OSTN: variants seen among roughly 807,000 people sequenced by gnomAD.
The protein encoded by OSTN is osteocrin.
In OSTN, 9 loss-of-function variants were observed where a neutral mutation model predicts 12.0. The ratio of observed to expected loss-of-function variants is 0.75; its 90% CI spans 0.45 to 1.30. OSTN has a LOEUF of 1.30. OSTN is among the 50% of genes most tolerant of loss of function. The pLI, the probability that OSTN is intolerant of heterozygous loss-of-function variation, is 0.00. For missense variants in OSTN, 148 were observed against 152.3 expected (o/e 0.97, Z 0.15); for synonymous variants, 59 against 56.9 (o/e 1.04, Z -0.16).
intron 3 of OSTN, among the ~76,000 whole-genome samples, chr3:191,238,548 C>T (rs1257536975): frequency 6.6e-6 from 1 of 152,202 alleles, no homozygotes; most frequent in Non-Finnish European, 1.5e-5. Flanking sequence ...GGCTGTGATA[C>T]AGCGTTGTGG....
chr3:191,240,585 C>T (rs1251877419), intron 3 of OSTN, among the ~76,000 whole-genome samples: 1 of 152,172 alleles, frequency 6.6e-6, no homozygotes, highest in Non-Finnish European at 1.5e-5. Flanking sequence ...TTTTGTGCAT[C>T]GGAAATCCAG....
chr3:191,204,389 T>C (rs1291426748), intron 1 of OSTN, among the ~76,000 whole-genome samples: 1 of 152,186 alleles, frequency 6.6e-6, no homozygotes, highest in Non-Finnish European at 1.5e-5. Flanking sequence ...ATAATATAGA[T>C]GATATATGTG....
chr3:191,227,210 C>T (rs968917100), intron 3 of OSTN, among the ~76,000 whole-genome samples: 14 of 152,060 alleles, frequency 9.2e-5, no homozygotes, highest in African/African-American at 2.7e-4. Flanking sequence ...GAAAAAAATG[C>T]AAATTGCCTT....
At chr3:191,220,370 C>T (rs549536857) in intron 3 of OSTN, among the ~76,000 whole-genome samples, 1 of 152,190 alleles carries the variant, frequency 6.6e-6, no homozygotes, top group African/African-American at 2.4e-5. Flanking sequence ...ATTAGTTCCA[C>T]TATGTTCTGG....
intron 4 of OSTN, among the ~76,000 whole-genome samples, chr3:191,262,516 TTTTG>T (rs1365135185): frequency 6.6e-6 from 1 of 152,220 alleles, no homozygotes; most frequent in African/African-American, 2.4e-5. Context: ...TTTGTCCTTC[TTTTG>T]TTTGTCACGG....
intron 4 of OSTN, among the ~76,000 whole-genome samples, chr3:191,260,851 C>G (rs1187212082): frequency 1.3e-5 from 2 of 152,158 alleles, no homozygotes; most frequent in Non-Finnish European, 2.9e-5. Flanking sequence ...AAGAAAAAGA[C>G]TGTTTCTGGG....
chr3:191,263,036 G>A lies in OSTN; in HGVS notation c.*183G>A. The A allele has an allele frequency of 5.5e-6, 3 of 545,916 alleles. No homozygotes were observed. Among genetic ancestry groups the A allele is most frequent in the Non-Finnish European group, 9.8e-6 (3 of 304,822 alleles). 33.8% of individuals were successfully genotyped at this position (545,916 alleles called of 1,614,324 possible). On this transcript the variant is annotated 3_prime_UTR_variant, in exon 5 of 5. Coordinates refer to ENST00000682035, the MANE Select transcript of OSTN (RefSeq NM_198184.2). Reference sequence around the variant, plus strand: ...ATTGTTACAGCTTCAATTAAATTGTGTAAATCATTTTGATGCACGTACATT... The same window carrying A: ...ATTGTTACAGCTTCAATTAAATTGTATAAATCATTTTGATGCACGTACATT...
chr3:191,205,529 C>G (rs922459227), intron 1 of OSTN, among the ~76,000 whole-genome samples: 2 of 151,488 alleles, frequency 1.3e-5, no homozygotes, highest in African/African-American at 4.8e-5. Flanking sequence ...TCTGAAAATT[C>G]TTATTATCAA....
chr3:191,262,088 T>C lies in OSTN; in HGVS notation c.*13-778T>C, dbSNP rs375761997. 6.6e-4 allele frequency among the ~76,000 whole-genome samples: 101 copies of C among 152,174 alleles called. 1 individual carries two copies. In the East Asian group the frequency reaches 0.014, roughly 21 times the overall value. On this transcript the variant is annotated intron_variant, in intron 4 of 4. Coordinates refer to ENST00000682035, the MANE Select transcript of OSTN (RefSeq NM_198184.2). Reference sequence around the variant, plus strand: ...AAAAATTTAGCCTGGCATGGTAGCATGGGCCTATAATCCCAGCTACTCGGG... The same window carrying C: ...AAAAATTTAGCCTGGCATGGTAGCACGGGCCTATAATCCCAGCTACTCGGG...
At chr3:191,211,140 G>C (rs1365961173) in intron 1 of OSTN, among the ~76,000 whole-genome samples, 2 of 152,070 alleles carry the variant, frequency 1.3e-5, no homozygotes, top group African/African-American at 4.8e-5. Context: ...TCATAATCAT[G>C]AATCAAGTTC....
At chr3:191,217,244 G>C (rs1714635052) in intron 2 of OSTN, 1 of 152,214 alleles carries the variant, frequency 6.6e-6, no homozygotes, top group Non-Finnish European at 1.5e-5. Context: ...AACCACAGGA[G>C]AGAAACTGCC....
intron 3 of OSTN, among the ~76,000 whole-genome samples, chr3:191,223,508 A>T (rs1428893176): frequency 6.6e-6 from 1 of 152,260 alleles, no homozygotes; most frequent in African/African-American, 2.4e-5. Context: ...GTAAAACGTG[A>T]TAGTACATAA....
At chr3:191,222,521 T>C (rs1373836132) in intron 3 of OSTN, among the ~76,000 whole-genome samples, 4 of 152,218 alleles carry the variant, frequency 2.6e-5, no homozygotes, top group Non-Finnish European at 5.9e-5. Flanking sequence ...ATCTAGGAAG[T>C]AACTAATTTG....
chr3:191,250,054 CA>C lies in OSTN; in HGVS notation c.340del (p.Arg114GlyfsTer22), dbSNP rs777690983. The C allele has an allele frequency of 6.2e-7, 1 of 1,613,538 alleles. No individual in the cohort carries two copies. Among genetic ancestry groups the C allele is most frequent in the South Asian group, 1.1e-5 (1 of 91,056 alleles). On this transcript the variant is annotated frameshift_variant, in exon 4 of 5. Coordinates refer to ENST00000682035, the MANE Select transcript of OSTN (RefSeq NM_198184.2). LOFTEE classifies it high-confidence loss of function. Reference protein sequence around the residue: ...KGKQRKVVDHPKRRFGIPMDR... With the variant: ...KGKQRKVVDHXKRRFGIPMDR... Reference sequence around the variant, plus strand: ...TGTTTCAGGAAAGTAGTAGATCATCCAAAAAGGCGATTTGGTATCCCCATGG... The same window carrying C: ...TGTTTCAGGAAAGTAGTAGATCATCCAAAAGGCGATTTGGTATCCCCATGG...
At chr3:191,261,233 A>G (rs185242430) in intron 4 of OSTN, among the ~76,000 whole-genome samples, 25 of 152,310 alleles carry the variant, frequency 1.6e-4, no homozygotes, top group Admixed American at 9.8e-4. Context: ...CGGCAGATGT[A>G]AGATTAAAAG....
intron 2 of OSTN, among the ~76,000 whole-genome samples, chr3:191,218,037 C>A (rs1714667054): frequency 2.6e-5 from 4 of 151,986 alleles, no homozygotes; most frequent in African/African-American, 7.2e-5. Context: ...TAGACAAAGT[C>A]ATTGACTAAT....
chr3:191,224,509 T>A (rs16866346), intron 3 of OSTN, among the ~76,000 whole-genome samples: 4,959 of 152,206 alleles, frequency 0.033, 117 homozygotes, highest in Non-Finnish European at 0.049. Flanking sequence ...ACATTATAAA[T>A]CTGTTTTGAA....
At chr3:191,251,741 C>A (rs1395056403) in intron 4 of OSTN, among the ~76,000 whole-genome samples, 1 of 152,194 alleles carries the variant, frequency 6.6e-6, no homozygotes, top group Non-Finnish European at 1.5e-5. Context: ...TAATCAGCAT[C>A]ATCTTCAAAA....
At chr3:191,213,851 AG>A (rs1714530144) in intron 2 of OSTN, among the ~76,000 whole-genome samples, 2 of 151,992 alleles carry the variant, frequency 1.3e-5, no homozygotes, top group Admixed American at 6.6e-5. Flanking sequence ...ATATTTTTGG[AG>A]GATGCTTGGA....
Sources: allele counts gnomAD v4.1 joint callset (sites outside exome capture counted in the v4.1 genomes callset), GRCh38; gene constraint gnomAD v4.1.1; transcripts MANE v1.5; gene names NCBI Gene and HGNC (gene_info 2026-07-23, HGNC 2026-07-21).